Variants in TMTC1 observed in about 807,000 individuals in gnomAD.
TMTC1 encodes protein O-mannosyl-transferase TMTC1.
TMTC1 carries 73 observed loss-of-function variants against 104.8 expected under a neutral mutation model. The observed-to-expected ratio is 0.70, with a 90% CI of 0.58 to 0.85. The LOEUF (loss-of-function observed/expected upper bound fraction) is 0.85, where lower values mean the gene tolerates loss of function less well. Ranked by LOEUF, TMTC1 falls within the 40% of genes least tolerant of loss-of-function variation. TMTC1 has a pLI of 0.00. For missense variants in TMTC1, 1,035 were observed against 1,096.1 expected (o/e 0.94, Z 0.79); for synonymous variants, 434 against 428.7 (o/e 1.01, Z -0.15).
Position 29,604,257 on chromosome 12 carries a change from C to T in TMTC1, c.1171G>A (p.Val391Met). 6.2e-7 allele frequency: 1 copy of T among 1,613,966 alleles called. No individual in the cohort carries two copies. Among genetic ancestry groups the T allele is most frequent in the Non-Finnish European group, 8.5e-7 (1 of 1,179,906 alleles). The change falls in exon 7 of 18, where the codon GTG becomes ATG. Residue 391 changes from valine (V) to methionine (M), a missense_variant. Val to Met is a conservative substitution (Grantham distance 21). Transcript: ENST00000539277. ...TTGCTGGCTGGAATGAACGGGAACA[C>T]CAGGAACAACAAGCCGACTAAAACC... ...KEVLVGLLFL[V>M]FPFIPASNLF...
intron 5 of TMTC1, among the ~76,000 whole-genome samples, chr12:29,708,803 C>T (rs34840342): frequency 0.069 from 10,455 of 152,164 alleles, 417 homozygotes; most frequent in Middle Eastern, 0.14. Context: ...GGAGATAGAG[C>T]CTCTGCAACA....
chr12:29,622,278 T>C (rs1045923865), intron 6 of TMTC1, among the ~76,000 whole-genome samples: 40 of 152,164 alleles, frequency 2.6e-4, no homozygotes, highest in African/African-American at 8.4e-4. Context: ...TGTGAGAATG[T>C]AATAAAGAAC....
intron 7 of TMTC1, among the ~76,000 whole-genome samples, chr12:29,598,221 C>T (rs997630352): frequency 1.2e-4 from 18 of 152,160 alleles, no homozygotes; most frequent in African/African-American, 3.6e-4. Context: ...TTTGGCAAAA[C>T]GGATTCACTC....
intron 5 of TMTC1, among the ~76,000 whole-genome samples, chr12:29,665,287 A>G (rs1940232943): frequency 6.6e-6 from 1 of 152,242 alleles, no homozygotes; most frequent in Non-Finnish European, 1.5e-5. Flanking sequence ...TATTGGCATC[A>G]AGGTTATTGG....
intron 11 of TMTC1, among the ~76,000 whole-genome samples, chr12:29,523,767 T>C (rs1226928864): frequency 6.6e-6 from 1 of 152,126 alleles, no homozygotes; most frequent in African/African-American, 2.4e-5. Flanking sequence ...CTCTTGTTTT[T>C]TGGAGGGCAG....
intron 11 of TMTC1, among the ~76,000 whole-genome samples, chr12:29,532,288 G>A (rs941349907): frequency 3.3e-5 from 5 of 151,896 alleles, no homozygotes; most frequent in East Asian, 1.9e-4. Context: ...CTGCCCTTTC[G>A]GAAAGCAATT....
intron 5 of TMTC1, among the ~76,000 whole-genome samples, chr12:29,642,622 T>C (rs1173160201): frequency 6.6e-6 from 1 of 151,400 alleles, no homozygotes; most frequent in Non-Finnish European, 1.5e-5. Context: ...CTCAAACAAA[T>C]CAGTAAGAAA....
At chr12:29,775,535 A>C (rs1308774436) in intron 1 of TMTC1, among the ~76,000 whole-genome samples, 1 of 152,204 alleles carries the variant, frequency 6.6e-6, no homozygotes, top group Non-Finnish European at 1.5e-5. Flanking sequence ...TCAAAGGAAG[A>C]AACCTACGGG....
intron 5 of TMTC1, among the ~76,000 whole-genome samples, chr12:29,705,401 A>G (rs957585424): frequency 1.3e-5 from 2 of 152,180 alleles, no homozygotes; most frequent in African/African-American, 4.8e-5. Context: ...CAGAATACAA[A>G]TCACTCTTTG....
At chr12:29,780,593 A>T (rs1192767412) in intron 1 of TMTC1, among the ~76,000 whole-genome samples, 1 of 150,692 alleles carries the variant, frequency 6.6e-6, no homozygotes, top group Non-Finnish European at 1.5e-5. Context: ...TTGACTGTGG[A>T]GGTACTCTCT....
At chr12:29,674,547 T>C (rs769168114) in intron 5 of TMTC1, among the ~76,000 whole-genome samples, 1 of 152,348 alleles carries the variant, frequency 6.6e-6, no homozygotes, top group African/African-American at 2.4e-5. Context: ...AATATTTTCC[T>C]AGAAGACAAA....
upstream of TMTC1, chr12:29,784,513 A>C (rs1565835407): frequency 6.6e-6 from 1 of 152,336 alleles, no homozygotes; most frequent in East Asian, 1.9e-4. Context: ...GATAGGGAGC[A>C]CCTTCCTCAA....
rs140290699 is a variant in TMTC1 at position 29,694,934 on chromosome 12, C to CAACAA, written c.938+56727_938+56731dup. On this transcript the variant is annotated intron_variant, in intron 5 of 17. Transcript: ENST00000539277. ...GGGCAACAAGAGCGAAACTCCATCTCAACAAAACAAAACAAAACAAAACAA... is the reference window on the plus strand; with the variant it reads ...GGGCAACAAGAGCGAAACTCCATCTCAACAAAACAAAACAAAACAAAACAAAACAA... Among the ~76,000 whole-genome samples the CAACAA allele has an allele frequency of 3.1e-3, 473 of 151,698 alleles. 1 individual carries two copies. The highest frequency in any genetic ancestry group is 9.1e-3 in the African/African-American group (377 of 41,258).
At chr12:29,515,110 C>T (rs1411503284) in intron 15 of TMTC1, among the ~76,000 whole-genome samples, 1 of 152,122 alleles carries the variant, frequency 6.6e-6, no homozygotes, top group Admixed American at 6.5e-5. Flanking sequence ...TCCCACGTAT[C>T]GATGAGTGGC....
rs1484329475 is a variant in TMTC1, at chr12:29,503,197, T to G, written c.*3649A>C. ...AGGGTTGTGAAGTACTGCAGGAGGT[T>G]GGAATTAAAGTGCGACAATTCTCTT... On this transcript the variant is annotated 3_prime_UTR_variant, in exon 18 of 18. Coordinates refer to ENST00000539277, the MANE Select transcript of TMTC1 (RefSeq NM_001193451.2). 1 of 152,188 alleles carries G rather than the reference T, an allele frequency of 6.6e-6. No individual in the cohort carries two copies. Among genetic ancestry groups the G allele is most frequent in the African/African-American group, 2.4e-5 (1 of 41,460 alleles). The allele number at this position is 152,188 out of a possible 1,614,324, so 9.4% of individuals were successfully genotyped here.
At position 29,613,952 on chromosome 12, in the gene TMTC1, A is replaced by G. The variant is rs1946912141; in HGVS notation, c.1129-9653T>C. ...CTATCCACTTGGAATTGTCATACAG[A>G]AGACAGTCCCTTTGTTCTATAATCT... On this transcript the variant is annotated intron_variant, in intron 6 of 17. Coordinates refer to ENST00000539277, the MANE Select transcript of TMTC1 (RefSeq NM_001193451.2). 3 of 980,994 alleles carry G rather than the reference A, an allele frequency of 3.1e-6. No individual in the cohort carries two copies. In the African/African-American group the frequency reaches 5.2e-5, roughly 17 times the overall value. 60.8% of individuals were successfully genotyped at this position (980,994 alleles called of 1,614,324 possible).
chr12:29,689,554 C>T (rs1941201938), intron 5 of TMTC1, among the ~76,000 whole-genome samples: 1 of 152,180 alleles, frequency 6.6e-6, no homozygotes, highest in East Asian at 1.9e-4. Flanking sequence ...ACCTCGTGAT[C>T]TGTCCGTCTC....
chr12:29,590,183 CA>C (rs11421471), intron 7 of TMTC1, among the ~76,000 whole-genome samples: 162 of 139,670 alleles, frequency 1.2e-3, no homozygotes, highest in East Asian at 2.9e-3. Context: ...TATACAGTAA[CA>C]AAAAAAAAAA....
chr12:29,689,668 GA>G (rs1279936922), intron 5 of TMTC1, among the ~76,000 whole-genome samples: 3 of 152,184 alleles, frequency 2.0e-5, no homozygotes, highest in Non-Finnish European at 4.4e-5. Flanking sequence ...TGAACATTCA[GA>G]ATTTAAATTA....
Sources: allele counts gnomAD v4.1 joint callset (sites outside exome capture counted in the v4.1 genomes callset), GRCh38; gene constraint gnomAD v4.1.1; transcripts MANE v1.5; gene names NCBI Gene and HGNC (gene_info 2026-07-23, HGNC 2026-07-21).